The following STK38 variants were observed in gnomAD, a reference collection of about 807,000 sequenced individuals.
STK38 encodes the protein serine/threonine kinase 38, also known as serine/threonine-protein kinase 38.
Under a neutral mutation model 59.0 loss-of-function variants are expected in STK38, and 26 were observed. The ratio of observed to expected loss-of-function variants is 0.44; its 90% CI spans 0.32 to 0.61. The LOEUF (loss-of-function observed/expected upper bound fraction) is 0.61, where lower values mean the gene tolerates loss of function less well. STK38 is among the 20% of genes least tolerant of loss of function. The probability of loss-of-function intolerance (pLI) is 0.04; values close to 1 mark genes in which losing one functional copy is unlikely to be tolerated. For missense variants in STK38, 433 were observed against 566.0 expected, an observed-to-expected ratio of 0.76 and a Z score of 2.38; for synonymous variants, 175 against 176.6, an observed-to-expected ratio of 0.99 and a Z score of 0.07.
At chr6:36,496,891 G>A in intron 12 of STK38, 86 bp from the exon 13 acceptor site, 1 of 950,522 alleles carries the variant, frequency 1.1e-6, no homozygotes, top group Non-Finnish European at 1.6e-6. Context: ...AAAGACCCCT[G>A]GTCTGACATG....
chr6:36,498,310 A>T (rs1302817467), intron 11 of STK38, 53 bp downstream of exon 11: 2 of 1,575,688 alleles, frequency 1.3e-6, no homozygotes, highest in Non-Finnish European at 1.7e-6. Context: ...AAAAAAATGG[A>T]ATCATTCATA....
chr6:36,529,160 A>C (rs1777608353), intron 2 of STK38, among the ~76,000 whole-genome samples: 1 of 152,220 alleles, frequency 6.6e-6, no homozygotes, highest in African/African-American at 2.4e-5. Flanking sequence ...TAACTTGGTT[A>C]GATTCATGGT....
chr6:36,531,328 G>A (rs755707149), intron 2 of STK38, among the ~76,000 whole-genome samples: 10 of 152,070 alleles, frequency 6.6e-5, no homozygotes, highest in Non-Finnish European at 1.3e-4. Context: ...TATTAAATTA[G>A]GTGTTTATGG....
At chr6:36,516,646 C>A (rs927983045) in intron 6 of STK38, among the ~76,000 whole-genome samples, 2 of 152,230 alleles carry the variant, frequency 1.3e-5, no homozygotes, top group Admixed American at 6.5e-5. Context: ...CCACCAGACA[C>A]ATGGAGACAG....
chr6:36,541,502 C>T (rs750625767), intron 1 of STK38, among the ~76,000 whole-genome samples: 1 of 152,152 alleles, frequency 6.6e-6, no homozygotes, highest in Non-Finnish European at 1.5e-5. Flanking sequence ...AGGTGCAATG[C>T]AGCATTGTAA....
At chr6:36,522,177 T>G (rs1196754960) in intron 4 of STK38, 1 of 180,484 alleles carries the variant, frequency 5.5e-6, no homozygotes, top group Non-Finnish European at 1.2e-5. Flanking sequence ...TGATGTTTAA[T>G]TAAAACAAAA....
At chr6:36,530,857 TTTTTGTAC>T (rs1460204621) in intron 2 of STK38, among the ~76,000 whole-genome samples, 36 of 151,844 alleles carry the variant, frequency 2.4e-4, no homozygotes, top group African/African-American at 8.0e-4. Context: ...GTGTGGCTAA[TTTTTGTAC>T]TTTTAGTAGA....
rs370428954 is a variant in STK38 at position 36,495,883 on chromosome 6, G to A, written c.1299C>T (p.Tyr433=). 5 of 1,614,042 alleles carry A rather than the reference G, an allele frequency of 3.1e-6. No homozygotes were observed. In the East Asian group the frequency reaches 6.7e-5, roughly 22 times the overall value. The part of the protein sequence containing the change: ...VATSNHPETD[Y]KNKDWVFINY... Reference sequence around the variant, plus strand: ...TGATGAAGACCCAGTCTTTGTTCTTGTAGTCAGTCTCAGGATGATTACTTG... The same window carrying A: ...TGATGAAGACCCAGTCTTTGTTCTTATAGTCAGTCTCAGGATGATTACTTG... The change falls in exon 14 of 14, where the codon TAC becomes TAT. Residue 433 remains tyrosine (Y), a synonymous_variant. Transcript: ENST00000229812.
intron 7 of STK38, among the ~76,000 whole-genome samples, chr6:36,509,190 G>A (rs1384422340): frequency 6.6e-6 from 1 of 152,172 alleles, no homozygotes; most frequent in Non-Finnish European, 1.5e-5. Flanking sequence ...ACGGACAACT[G>A]GAGCATGAAC....
At chr6:36,537,901 CA>C (rs57865791) in intron 2 of STK38, among the ~76,000 whole-genome samples, 101 of 134,384 alleles carry the variant, frequency 7.5e-4, no homozygotes, top group Middle Eastern at 4.0e-3. Flanking sequence ...CCCGTCTCGA[CA>C]AAAAAAAAAA....
chr6:36,507,157 C>T (rs905398115), intron 8 of STK38, among the ~76,000 whole-genome samples: 2 of 152,176 alleles, frequency 1.3e-5, no homozygotes, highest in African/African-American at 2.4e-5. Context: ...AAACTTCTTT[C>T]TGTCATGAAG....
At chr6:36,507,448 C>G (rs1776995214) in intron 8 of STK38, 52 bp downstream of exon 8, 1 of 1,466,676 alleles carries the variant, frequency 6.8e-7, no homozygotes, top group Non-Finnish European at 9.5e-7. Context: ...AGGGAAACAG[C>G]TCTTCTAGGC....
At chr6:36,498,583 TTTTTTC>T (rs1776763028) in intron 10 of STK38, 97 bp from the exon 11 acceptor site, 88 of 1,343,208 alleles carry the variant, frequency 6.6e-5, no homozygotes, top group South Asian at 2.7e-4. Flanking sequence ...TTTTTTTTTC[TTTTTTC>T]TTTTTTTTTT....
At chr6:36,504,917 A>G (rs1219253914) in intron 9 of STK38, among the ~76,000 whole-genome samples, 2 of 145,360 alleles carry the variant, frequency 1.4e-5, no homozygotes, top group African/African-American at 2.5e-5. Flanking sequence ...AAAAAAAAAA[A>G]AAAAAGAAAG....
At chr6:36,536,847 A>T (rs1235011906) in intron 2 of STK38, among the ~76,000 whole-genome samples, 2 of 148,340 alleles carry the variant, frequency 1.3e-5, no homozygotes, top group Admixed American at 6.8e-5. Flanking sequence ...AAATTAGTTA[A>T]TTTTTTTTTT....
intron 10 of STK38, among the ~76,000 whole-genome samples, chr6:36,499,310 G>A (rs746106512): frequency 3.3e-5 from 5 of 152,086 alleles, no homozygotes; most frequent in Non-Finnish European, 7.4e-5. Flanking sequence ...CCCTCCAGAC[G>A]GTGTACGCCC....
chr6:36,511,321 A>G (rs1279185383), intron 7 of STK38, among the ~76,000 whole-genome samples: 1 of 152,032 alleles, frequency 6.6e-6, no homozygotes, highest in Non-Finnish European at 1.5e-5. Context: ...AAACAGGGAC[A>G]GCTTTGAGCC....
intron 9 of STK38, among the ~76,000 whole-genome samples, chr6:36,502,892 T>C (rs1746598264): frequency 6.6e-6 from 1 of 152,224 alleles, no homozygotes; most frequent in African/African-American, 2.4e-5. Flanking sequence ...TGCTATTAGA[T>C]TCTTCCTCTC....
chr6:36,494,644 AG>A lies in STK38; in HGVS notation c.*1139del, dbSNP rs1776656095. 1 of 152,698 alleles carries A rather than the reference AG, an allele frequency of 6.5e-6. No individual in the cohort carries two copies. Among genetic ancestry groups the A allele is most frequent in the African/African-American group, 2.4e-5 (1 of 41,446 alleles). The allele number at this position is 152,698 out of a possible 1,614,324, so 9.5% of individuals were successfully genotyped here. ...GTATCCCCCAGGAAGGCATCTGCAA[AG>A]GAAAAAATTGTAATCATGATTCCAA... On this transcript the variant is annotated 3_prime_UTR_variant, in exon 14 of 14. Transcript: ENST00000229812.
Sources: gnomAD v4.1 joint callset for allele counts (sites outside exome capture counted in the v4.1 genomes callset) on GRCh38, gnomAD v4.1.1 for gene constraint, MANE v1.5 for transcripts, NCBI Gene and HGNC (gene_info 2026-07-23, HGNC 2026-07-21) for gene names.